Variants in ADAMTS2 observed in about 807,000 individuals in gnomAD.
ADAMTS2 encodes A disintegrin and metalloproteinase with thrombospondin motifs 2.
Under a neutral mutation model 123.0 loss-of-function variants are expected in ADAMTS2, and 50 were observed. The ratio of observed to expected loss-of-function variants is 0.41; its 90% CI spans 0.32 to 0.51. The LOEUF is 0.51. Ranked by LOEUF, ADAMTS2 falls within the 20% of genes least tolerant of loss-of-function variation. The probability of loss-of-function intolerance (pLI) is 0.35; values close to 1 mark genes in which losing one functional copy is unlikely to be tolerated. For missense variants in ADAMTS2, 1,494 were observed against 1,705.2 expected (o/e 0.88, Z 2.18); for synonymous variants, 678 against 695.4 (o/e 0.98, Z 0.39).
At chr5:179,275,174 G>A (rs1267063315) in intron 2 of ADAMTS2, among the ~76,000 whole-genome samples, 1 of 152,152 alleles carries the variant, frequency 6.6e-6, no homozygotes, top group Non-Finnish European at 1.5e-5. Flanking sequence ...AAGCATGGTG[G>A]CTGCGGCAGG....
chr5:179,190,118 T>C (rs1484826734), intron 4 of ADAMTS2, among the ~76,000 whole-genome samples: 1 of 152,202 alleles, frequency 6.6e-6, no homozygotes, highest in Non-Finnish European at 1.5e-5. Flanking sequence ...ACAGGGGATA[T>C]GATGGCTTAG....
intron 12 of ADAMTS2, 25 bp from the exon 13 acceptor site, chr5:179,136,067 T>C: frequency 6.2e-7 from 1 of 1,613,028 alleles, no homozygotes; most frequent in Non-Finnish European, 8.5e-7. Flanking sequence ...GCTGGGGGTC[T>C]GCAAGGAGCC....
intron 3 of ADAMTS2, among the ~76,000 whole-genome samples, chr5:179,223,716 G>A (rs1224699443): frequency 3.9e-5 from 6 of 152,118 alleles, no homozygotes; most frequent in Non-Finnish European, 7.4e-5. Context: ...GCACACAAAC[G>A]CACATGCATA....
intron 3 of ADAMTS2, among the ~76,000 whole-genome samples, chr5:179,268,935 C>A (rs1022676796): frequency 2.6e-5 from 4 of 152,236 alleles, no homozygotes; most frequent in Admixed American, 2.6e-4. Context: ...GATCCTGATC[C>A]CTGCAACCTG....
intron 2 of ADAMTS2, among the ~76,000 whole-genome samples, chr5:179,322,577 A>G (rs1280349677): frequency 6.6e-6 from 1 of 152,184 alleles, no homozygotes; most frequent in Non-Finnish European, 1.5e-5. Flanking sequence ...CCGTGAGCCA[A>G]TTCCAGATGA....
intron 3 of ADAMTS2, among the ~76,000 whole-genome samples, chr5:179,208,307 T>G (rs1764767412): frequency 6.6e-6 from 1 of 152,188 alleles, no homozygotes; most frequent in Non-Finnish European, 1.5e-5. Flanking sequence ...AGTGTCTCCT[T>G]GGGCCCCTCC....
intron 3 of ADAMTS2, among the ~76,000 whole-genome samples, chr5:179,270,432 G>A (rs936124298): frequency 6.6e-6 from 1 of 152,194 alleles, no homozygotes; most frequent in Admixed American, 6.5e-5. Flanking sequence ...GAAACTGCCA[G>A]CCAGCACCTC....
chr5:179,220,770 C>T (rs1319225123), intron 3 of ADAMTS2, among the ~76,000 whole-genome samples: 1 of 152,242 alleles, frequency 6.6e-6, no homozygotes, highest in Non-Finnish European at 1.5e-5. Context: ...TACCTGCCAA[C>T]CTCAGTTTCC....
intron 2 of ADAMTS2, among the ~76,000 whole-genome samples, chr5:179,288,087 C>A (rs1230597722): frequency 6.6e-6 from 1 of 151,814 alleles, no homozygotes; most frequent in African/African-American, 2.4e-5. Context: ...AGCCAGAGGA[C>A]CCCCCCTTTC....
At chr5:179,292,079 A>G (rs1310188684) in intron 2 of ADAMTS2, among the ~76,000 whole-genome samples, 1 of 151,992 alleles carries the variant, frequency 6.6e-6, no homozygotes, top group Non-Finnish European at 1.5e-5. Context: ...ATGAGGACGT[A>G]TGGCTCACAT....
At position 179,207,494 on chromosome 5, in the gene ADAMTS2, C is replaced by CCCCCCCCCCCCCCCCCCA; in HGVS notation, c.891+18_891+19insTGGGGGGGGGGGGGGGGG. On this transcript the variant is annotated intron_variant, in intron 4 of 21. Transcript: ENST00000251582. ...TGACCCTCCCCGCCCCACCCTGCCC[C>CCCCCCCCCCCCCCCCCCA]CTCAGCCACCCCACTCACAATGTTC... The CCCCCCCCCCCCCCCCCCA allele has an allele frequency of 6.4e-7, 1 of 1,555,514 alleles. No homozygotes were observed. Among genetic ancestry groups the CCCCCCCCCCCCCCCCCCA allele is most frequent in the East Asian group, 2.3e-5 (1 of 44,212 alleles).
rs895078092 is a variant in ADAMTS2, at chr5:179,125,936, G to A, written c.2750+62C>T. On this transcript the variant is annotated intron_variant, in intron 18 of 21. Coordinates refer to ENST00000251582, the MANE Select transcript of ADAMTS2 (RefSeq NM_014244.5). ...GCCCAGGCCCCACACCTCCAAGCAC[G>A]GGAGCCCCTGGTGGCCCCTGGCCTG... 5.4e-5 allele frequency: 87 copies of A among 1,607,592 alleles called. No homozygotes were observed. The Middle Eastern group carries it at 1.2e-3, about 22-fold the overall frequency.
At chr5:179,264,714 G>A (rs960901793) in intron 3 of ADAMTS2, among the ~76,000 whole-genome samples, 2 of 152,220 alleles carry the variant, frequency 1.3e-5, no homozygotes, top group Admixed American at 6.5e-5. Context: ...AGCAAGTGTC[G>A]CAGTGAGCAC....
At chr5:179,142,505 C>T (rs540440886) in intron 10 of ADAMTS2, among the ~76,000 whole-genome samples, 2 of 152,304 alleles carry the variant, frequency 1.3e-5, no homozygotes, top group South Asian at 4.2e-4. Context: ...GCTATATACC[C>T]CAGGACACTG....
At chr5:179,298,451 G>A (rs1756407009) in intron 2 of ADAMTS2, among the ~76,000 whole-genome samples, 1 of 152,194 alleles carries the variant, frequency 6.6e-6, no homozygotes, top group African/African-American at 2.4e-5. Context: ...AGCTATGAGC[G>A]AGGAAGCAGC....
chr5:179,135,308 C>T (rs1763046833), intron 13 of ADAMTS2, among the ~76,000 whole-genome samples: 1 of 152,204 alleles, frequency 6.6e-6, no homozygotes, highest in African/African-American at 2.4e-5. Flanking sequence ...CCTGTCTACA[C>T]AAGCCCTAAG....
At chr5:179,266,105 C>T (rs777924973) in intron 3 of ADAMTS2, among the ~76,000 whole-genome samples, 15 of 152,160 alleles carry the variant, frequency 9.9e-5, no homozygotes, top group Non-Finnish European at 1.8e-4. Flanking sequence ...AGAGACAGGT[C>T]TGGGCACAAG....
chr5:179,121,959 A>G, intron 20 of ADAMTS2: 1 of 412,228 alleles, frequency 2.4e-6, no homozygotes, highest in Non-Finnish European at 4.3e-6. Flanking sequence ...GGTCTCAGCT[A>G]TCCCGTCCCT....
Position 179,132,900 on chromosome 5 carries a change from T to C in ADAMTS2, c.2086A>G (p.Lys696Glu). ...CCGATCACACCGTCACAGCCCACCT[T>C]CTGTTGGGGGAGGAGGCAGTGAGCA... Reference protein sequence around the residue: ...FSLCVRGDCRKVGCDGVIGSS... With the variant: ...FSLCVRGDCREVGCDGVIGSS... Residue 696 changes from lysine (K) to glutamate (E), a missense_variant and splice_region_variant, in exon 14 of 22, where the codon AAG (lysine) becomes GAG (glutamate). By Grantham distance (56) the Lys-to-Glu change is moderately conservative (BLOSUM62 1). Around this residue, in one of 6 missense-constraint regions of ADAMTS2, gnomAD observed 953 missense variants for 1,124.7 expected, o/e 0.85. Coordinates refer to ENST00000251582, the MANE Select transcript of ADAMTS2 (RefSeq NM_014244.5). This position sits in a 1 kb window ranked among gnomAD's most constrained non-coding sequence, Gnocchi z 6.1. 6.2e-7 allele frequency: 1 copy of C among 1,613,682 alleles called. No homozygotes were observed. Among genetic ancestry groups the C allele is most frequent in the African/African-American group, 1.3e-5 (1 of 75,034 alleles).
Sources: allele counts gnomAD v4.1 joint callset (sites outside exome capture counted in the v4.1 genomes callset), GRCh38; gene constraint gnomAD v4.1.1; regional missense constraint gnomAD v4.1.1; non-coding constraint Gnocchi (gnomAD v3.1); transcripts MANE v1.5; gene names NCBI Gene and HGNC (gene_info 2026-07-23, HGNC 2026-07-21).